Variants in TG observed in about 807,000 individuals in gnomAD.
The protein encoded by TG is thyroglobulin, also known as thyroid hormones.
Under a neutral mutation model 324.7 loss-of-function variants are expected in TG, and 270 were observed. The ratio of observed to expected loss-of-function variants is 0.83; its 90% CI spans 0.75 to 0.92. TG has a LOEUF of 0.92. Ranked by LOEUF, TG falls within the 40% of genes least tolerant of loss-of-function variation. The pLI is 0.00. For missense variants in TG, 3,591 were observed against 3,456.4 expected, an observed-to-expected ratio of 1.04 and a Z score of -0.98; for synonymous variants, 1,401 against 1,327.0, an observed-to-expected ratio of 1.06 and a Z score of -1.21.
At chr8:133,088,078 G>C (rs1846890764) in intron 41 of TG, among the ~76,000 whole-genome samples, 2 of 152,216 alleles carry the variant, frequency 1.3e-5, no homozygotes, top group African/African-American at 4.8e-5. Context: ...GTTTAAAGGA[G>C]CCAATAGAGG....
At chr8:132,904,764 A>G (rs1415584865) in intron 16 of TG, among the ~76,000 whole-genome samples, 1 of 152,214 alleles carries the variant, frequency 6.6e-6, no homozygotes, top group Non-Finnish European at 1.5e-5. Context: ...AAACAAAAAC[A>G]GAAAAACCAC....
chr8:132,922,573 G>A (rs755254520), intron 21 of TG, among the ~76,000 whole-genome samples: 10 of 152,174 alleles, frequency 6.6e-5, no homozygotes, highest in Non-Finnish European at 1.3e-4. Context: ...GGGCTGGGAC[G>A]TCCAGAGATG....
At chr8:132,891,388 G>A (rs901631050) in intron 10 of TG, among the ~76,000 whole-genome samples, 1 of 152,178 alleles carries the variant, frequency 6.6e-6, no homozygotes, top group African/African-American at 2.4e-5. Context: ...ATGTTGGAGT[G>A]CAGTGGCATG....
At chr8:133,020,838 A>G (rs964988051) in intron 39 of TG, among the ~76,000 whole-genome samples, 6 of 152,192 alleles carry the variant, frequency 3.9e-5, no homozygotes, top group Non-Finnish European at 5.9e-5. Flanking sequence ...CAGAGCCTTT[A>G]GCACAGCACT....
intron 22 of TG, among the ~76,000 whole-genome samples, chr8:132,924,574 G>A (rs538463286): frequency 4.6e-5 from 7 of 152,320 alleles, no homozygotes; most frequent in African/African-American, 1.7e-4. Flanking sequence ...CAGTTCCTCA[G>A]TGAGATACTG....
chr8:133,057,774 C>CAA (rs5895173), intron 41 of TG, among the ~76,000 whole-genome samples: 26,703 of 141,774 alleles, frequency 0.19, 2,582 homozygotes, highest in Non-Finnish European at 0.23. Context: ...AAACAAAAAA[C>CAA]AAAAAAAAAA....
At position 133,074,862 on chromosome 8, in the gene TG, C is replaced by T. The variant is rs1181052122; in HGVS notation, c.7240-20182C>T. 1.1e-5 allele frequency: 11 copies of T among 985,472 alleles called. No individual in the cohort carries two copies. In the South Asian group the frequency reaches 1.9e-4, roughly 17 times the overall value. The allele number at this position is 985,472 out of a possible 1,614,324, so 61.0% of individuals were successfully genotyped here. ...CATACTCCCAAAATACCTTCACACA[C>T]TGGGCATGACTCCTGTGGGAGCTGT... On this transcript the variant is annotated intron_variant, in intron 41 of 47. Coordinates refer to ENST00000220616, the MANE Select transcript of TG (RefSeq NM_003235.5).
At chr8:132,921,357 C>G (rs988451912) in intron 21 of TG, among the ~76,000 whole-genome samples, 2 of 152,192 alleles carry the variant, frequency 1.3e-5, no homozygotes, top group African/African-American at 4.8e-5. Context: ...TGTATTGAAT[C>G]ATTGCCATTC....
At chr8:132,952,371 C>T (rs28428818) in intron 27 of TG, among the ~76,000 whole-genome samples, 46,099 of 152,022 alleles carry the variant, frequency 0.3, 9,308 homozygotes, top group African/African-American at 0.57. Flanking sequence ...GACATTTGAC[C>T]ACCTTCAGCC....
At chr8:132,956,216 T>C (rs543711077) in intron 27 of TG, among the ~76,000 whole-genome samples, 3 of 152,256 alleles carry the variant, frequency 2.0e-5, no homozygotes, top group African/African-American at 7.2e-5. Context: ...GGGAAGGCAA[T>C]GTTCTGTGTT....
At position 132,893,943 on chromosome 8, in the gene TG, C is replaced by A. The variant is rs766179013; in HGVS notation, c.3001+14C>A. The A allele has an allele frequency of 5.0e-6, 8 of 1,613,990 alleles. No individual in the cohort carries two copies. The Admixed American group carries it at 1.3e-4, about 27-fold the overall frequency. On this transcript the variant is annotated intron_variant, in intron 11 of 47. Coordinates refer to ENST00000220616, the MANE Select transcript of TG (RefSeq NM_003235.5). ...CGGCTCAGTCTAGTGAGTGTGGTGC[C>A]CTTCAGCTTTCTTACTGCATCGCTT...
At chr8:132,870,280 G>T (rs1263379054) in intron 3 of TG, among the ~76,000 whole-genome samples, 1 of 151,256 alleles carries the variant, frequency 6.6e-6, no homozygotes, top group African/African-American at 2.4e-5. Context: ...GTTAACTTAA[G>T]CCAACCACCT....
At chr8:133,049,652 G>A in intron 41 of TG, 1 of 491,438 alleles carries the variant, frequency 2.0e-6, no homozygotes, top group Non-Finnish European at 3.7e-6. Flanking sequence ...TCTGTGCCAG[G>A]AGCACCATGT....
chr8:132,962,746 A>T (rs1271848757), intron 28 of TG, among the ~76,000 whole-genome samples: 4 of 152,206 alleles, frequency 2.6e-5, no homozygotes, highest in Admixed American at 2.0e-4. Context: ...TATTTTGTTA[A>T]CTCGAAAGGG....
At position 132,871,568 on chromosome 8, in the gene TG, G is replaced by A. The variant is rs374953189; in HGVS notation, c.478+17G>A. On this transcript the variant is annotated intron_variant, in intron 4 of 47. Coordinates refer to ENST00000220616, the MANE Select transcript of TG (RefSeq NM_003235.5). ...CAAAGCGATGTGAGTTTCACTGAGC[G>A]CCTGCACCCCTAGAGCTGGGGAGGG... The A allele has an allele frequency of 3.0e-5, 48 of 1,610,698 alleles. No homozygotes were observed. The highest frequency in any genetic ancestry group is 4.4e-5 in the South Asian group (4 of 90,988).
rs369705913 is a variant in TG at position 132,967,961 on chromosome 8, C to A, written c.5854C>A (p.Arg1952=). ...ILPQMPKALF[R]KKVILEDKVK... ...GCCTCAGATGCCAAAGGCCCTGTTC[C>A]GGAAGAAAGGTGAGCACTTGGAGAG... Residue 1952 remains arginine, a synonymous_variant, in exon 31 of 48, where the codon CGG becomes AGG. Coordinates refer to ENST00000220616, the MANE Select transcript of TG (RefSeq NM_003235.5). 6.2e-7 allele frequency: 1 copy of A among 1,613,528 alleles called. No homozygotes were observed. The highest frequency in any genetic ancestry group is 2.2e-5 in the East Asian group (1 of 44,872).
intron 44 of TG, among the ~76,000 whole-genome samples, chr8:133,115,626 G>A (rs972832354): frequency 2.0e-5 from 3 of 152,218 alleles, no homozygotes; most frequent in Admixed American, 6.5e-5. Flanking sequence ...CTTCCAGGTA[G>A]GGACCTTTGG....
chr8:132,969,395 C>T, intron 31 of TG, 63 bp from the exon 32 acceptor site: 4 of 1,133,446 alleles, frequency 3.5e-6, no homozygotes, highest in Non-Finnish European at 4.0e-6. Context: ...ACTCATTTGT[C>T]CTCATATTTT....
chr8:133,011,755 G>C, intron 35 of TG, 146 bp from the exon 36 acceptor site: 1 of 961,586 alleles, frequency 1.0e-6, no homozygotes, highest in Non-Finnish European at 1.7e-6. Context: ...ATGGAAAGAT[G>C]GATCAAGCTA....
Sources: allele counts gnomAD v4.1 joint callset (sites outside exome capture counted in the v4.1 genomes callset), GRCh38; gene constraint gnomAD v4.1.1; transcripts MANE v1.5; gene names NCBI Gene and HGNC (gene_info 2026-07-23, HGNC 2026-07-21).